Variants in CTNND2 observed in about 807,000 individuals in gnomAD.
The protein encoded by CTNND2 is catenin delta 2.
CTNND2 carries 22 observed loss-of-function variants against 144.4 expected under a neutral mutation model. The observed-to-expected ratio is 0.15, with a 90% CI of 0.11 to 0.22. The LOEUF (loss-of-function observed/expected upper bound fraction) is 0.22. Ranked by LOEUF, CTNND2 falls within the 10% of genes least tolerant of loss-of-function variation. The probability of loss-of-function intolerance (pLI) is 1.00; values close to 1 mark genes in which losing one functional copy is unlikely to be tolerated. For synonymous variants in CTNND2, 751 were observed against 695.6 expected (o/e 1.08, Z -1.25); for missense variants, 1,353 against 1,618.8 (o/e 0.84, Z 2.82).
chr5:11,243,693 T>C (rs1040246428), intron 9 of CTNND2, among the ~76,000 whole-genome samples: 1 of 152,214 alleles, frequency 6.6e-6, no homozygotes, highest in African/African-American at 2.4e-5. Context: ...CTATCTGAGT[T>C]GTTAAAATCA....
At chr5:11,180,041 G>C (rs1289445492) in intron 11 of CTNND2, among the ~76,000 whole-genome samples, 1 of 152,190 alleles carries the variant, frequency 6.6e-6, no homozygotes, top group Non-Finnish European at 1.5e-5. Flanking sequence ...AAACAGGGTT[G>C]ATATGGTTTG....
intron 9 of CTNND2, among the ~76,000 whole-genome samples, chr5:11,311,368 T>A (rs1376847377): frequency 8.0e-6 from 1 of 125,674 alleles, no homozygotes; most frequent in African/African-American, 3.1e-5. Context: ...CACATGTACA[T>A]ATACTCTAAC....
At chr5:11,185,135 A>G (rs907775801) in intron 11 of CTNND2, among the ~76,000 whole-genome samples, 5 of 152,302 alleles carry the variant, frequency 3.3e-5, no homozygotes, top group Non-Finnish European at 7.3e-5. Context: ...CATTACCTGC[A>G]CGCCAAACCC....
intron 14 of CTNND2, among the ~76,000 whole-genome samples, chr5:11,099,444 C>T (rs1198345745): frequency 1.3e-5 from 2 of 152,126 alleles, no homozygotes; most frequent in African/African-American, 4.8e-5. Flanking sequence ...TTATGGCTTA[C>T]ACGCACAAAG....
chr5:11,669,832 T>C (rs1026760043), intron 2 of CTNND2, among the ~76,000 whole-genome samples: 1 of 152,146 alleles, frequency 6.6e-6, no homozygotes, highest in African/African-American at 2.4e-5. Context: ...GTTCTTGTAA[T>C]TGTGATGTTA....
At chr5:11,196,741 T>G (rs550234696) in intron 11 of CTNND2, among the ~76,000 whole-genome samples, 1 of 152,322 alleles carries the variant, frequency 6.6e-6, no homozygotes, top group South Asian at 2.1e-4. Context: ...CTTTAAATAT[T>G]TAGCAGCCAG....
rs537341804 is a variant in CTNND2 at position 10,985,031 on chromosome 5, G to A, written c.3343+3080C>T. Among the ~76,000 whole-genome samples the A allele has an allele frequency of 1.2e-4, 18 of 152,098 alleles. No homozygotes were observed. In the South Asian group the frequency reaches 3.3e-3, roughly 28 times the overall value. On this transcript the variant is annotated intron_variant, in intron 20 of 21. Coordinates refer to ENST00000304623, the MANE Select transcript of CTNND2 (RefSeq NM_001332.4). ...GGAGGTTACAGTGAGCTGAGATTGC[G>A]CCACTGCACTCCAGCCTGGGCGACA...
intron 1 of CTNND2, among the ~76,000 whole-genome samples, chr5:11,824,230 T>C (rs1453036084): frequency 1.3e-5 from 2 of 152,000 alleles, no homozygotes; most frequent in South Asian, 2.1e-4. Context: ...GAGTTATACA[T>C]AAATACCGCA....
chr5:11,322,984 C>G (rs1168398745), intron 9 of CTNND2, among the ~76,000 whole-genome samples: 1 of 152,136 alleles, frequency 6.6e-6, no homozygotes, highest in African/African-American at 2.4e-5. Context: ...CAAATTATGT[C>G]TGTGACATGG....
At position 11,261,447 on chromosome 5, in the gene CTNND2, C is replaced by A. The variant is rs189971158; in HGVS notation, c.1629-24624G>T. On this transcript the variant is annotated intron_variant, in intron 9 of 21. Transcript: ENST00000304623. ...AATGTCCTCCCGGGTGCTTTGCAAT[C>A]GAGACTGACAAATACCCAATTATAA... Among the ~76,000 whole-genome samples the A allele has an allele frequency of 7.0e-4, 106 of 152,294 alleles. 1 individual carries two copies. The highest frequency in any genetic ancestry group is 1.2e-3 in the Non-Finnish European group (81 of 68,018).
intron 18 of CTNND2, among the ~76,000 whole-genome samples, chr5:11,000,121 G>C (rs852613): frequency 0.99 from 151,289 of 152,374 alleles, 75,112 homozygotes; most frequent in East Asian, 1. Context: ...GAATGTATTA[G>C]TAGAGAGACT....
At chr5:11,477,570 C>T (rs1214446744) in intron 3 of CTNND2, among the ~76,000 whole-genome samples, 1 of 152,018 alleles carries the variant, frequency 6.6e-6, no homozygotes, top group Admixed American at 6.6e-5. Flanking sequence ...CACCACAACA[C>T]CTGGCTAATT....
chr5:11,073,013 C>A (rs1580204537), intron 16 of CTNND2, among the ~76,000 whole-genome samples: 1 of 152,204 alleles, frequency 6.6e-6, no homozygotes, highest in Non-Finnish European at 1.5e-5. Context: ...TTACAGCTGT[C>A]CTTGCCTGCT....
chr5:11,074,658 C>A (rs866706798), intron 16 of CTNND2, among the ~76,000 whole-genome samples: 1 of 152,250 alleles, frequency 6.6e-6, no homozygotes, highest in Middle Eastern at 3.4e-3. Flanking sequence ...CGAAGATTTT[C>A]CCTGTTCTCA....
At chr5:11,035,578 C>T (rs1222370733) in intron 16 of CTNND2, among the ~76,000 whole-genome samples, 1 of 152,222 alleles carries the variant, frequency 6.6e-6, no homozygotes, top group Non-Finnish European at 1.5e-5. Context: ...AGCCACAGGT[C>T]TGGGGGAATA....
intron 9 of CTNND2, among the ~76,000 whole-genome samples, chr5:11,278,470 G>A (rs1276124836): frequency 6.6e-6 from 1 of 152,216 alleles, no homozygotes; most frequent in East Asian, 1.9e-4. Flanking sequence ...ATCAAAGCAT[G>A]TTGGGCAGCT....
chr5:11,574,739 G>A (rs150415067), intron 2 of CTNND2, among the ~76,000 whole-genome samples: 4 of 152,056 alleles, frequency 2.6e-5, no homozygotes, highest in African/African-American at 9.7e-5. Flanking sequence ...TACCAAACAA[G>A]GGCAATGAAG....
rs78432020 is a variant in CTNND2 at position 11,501,011 on chromosome 5, T to C, written c.287+63933A>G. 2.9e-3 allele frequency among the ~76,000 whole-genome samples: 444 copies of C among 152,200 alleles called. 19 individuals carry two copies. The East Asian group carries it at 0.078, about 27-fold the overall frequency. On this transcript the variant is annotated intron_variant, in intron 3 of 21. Transcript: ENST00000304623. ...AAAAACTGCTTTATAGTATCTCTTT[T>C]ATTGAATTTTCTTGTTGTTTAACTT...
chr5:11,867,002 A>G (rs1215648814), intron 1 of CTNND2, among the ~76,000 whole-genome samples: 2 of 152,216 alleles, frequency 1.3e-5, no homozygotes, highest in Non-Finnish European at 2.9e-5. Flanking sequence ...ATGTGGCATT[A>G]TATCTTCTCT....
Sources: allele counts gnomAD v4.1 joint callset (sites outside exome capture counted in the v4.1 genomes callset), GRCh38; gene constraint gnomAD v4.1.1; transcripts MANE v1.5; gene names NCBI Gene and HGNC (gene_info 2026-07-23, HGNC 2026-07-21).